ACAN: variants seen among roughly 807,000 people sequenced by gnomAD.
ACAN encodes the protein aggrecan core protein.
In ACAN, 47 loss-of-function variants were observed where a neutral mutation model predicts 169.1. The ratio of observed to expected loss-of-function variants is 0.28; its 90% CI spans 0.22 to 0.35. The LOEUF (loss-of-function observed/expected upper bound fraction) is 0.35. Ranked by LOEUF, ACAN falls within the 10% of genes least tolerant of loss-of-function variation. ACAN has a pLI of 1.00. For missense variants in ACAN, 2,716 were observed against 2,759.9 expected, an observed-to-expected ratio of 0.98 and a Z score of 0.36; for synonymous variants, 1,115 against 1,112.2, an observed-to-expected ratio of 1.00 and a Z score of -0.05.
chr15:88,848,077 C>A, intron 9 of ACAN, 39 bp downstream of exon 9: 4 of 1,603,940 alleles, frequency 2.5e-6, no homozygotes, highest in Non-Finnish European at 3.4e-6. Context: ...CCTAGATGGG[C>A]AGGGGGTGGG....
At chr15:88,830,195 G>A (rs984633395) in intron 1 of ACAN, among the ~76,000 whole-genome samples, 2 of 152,150 alleles carry the variant, frequency 1.3e-5, no homozygotes, top group Non-Finnish European at 2.9e-5. Context: ...TTGGTTTTAG[G>A]GCCAGCCTCA....
At chr15:88,822,881 C>G (rs760864164) in intron 1 of ACAN, among the ~76,000 whole-genome samples, 17 of 152,280 alleles carry the variant, frequency 1.1e-4, no homozygotes, top group Non-Finnish European at 2.4e-4. Context: ...CTCCAAGAAC[C>G]CGAGCATCTG....
At chr15:88,847,827 G>A (rs1488576184) in intron 8 of ACAN, 84 bp from the exon 9 acceptor site, 3 of 1,487,310 alleles carry the variant, frequency 2.0e-6, no homozygotes, top group Non-Finnish European at 2.7e-6. Context: ...AAGTCCCTGA[G>A]TAGCCTCTGG....
rs1488751532 is a variant in ACAN, at chr15:88,858,057, T to C, written c.5472T>C (p.Gly1824=). ...TTTCTGGTACCACGAGTGGCAGCGGTGAATCTTCTGGGATTACATTTGTGG... is the reference window on the plus strand; with the variant it reads ...TTTCTGGTACCACGAGTGGCAGCGGCGAATCTTCTGGGATTACATTTGTGG... ...DLVSGTTSGS[G]ESSGITFVDT... is the part of the protein sequence containing the mutation. The change falls in exon 12 of 19, where the codon GGT becomes GGC. Residue 1824 remains glycine (G), a synonymous_variant. Transcript: ENST00000560601. The surrounding 1 kb of genome is among the most constrained non-coding windows in gnomAD (Gnocchi z 4.0). The C allele has an allele frequency of 1.9e-6, 3 of 1,613,806 alleles. No homozygotes were observed. The highest frequency in any genetic ancestry group is 2.7e-5 in the African/African-American group (2 of 74,902).
At chr15:88,818,303 T>C (rs1470819048) in intron 1 of ACAN, among the ~76,000 whole-genome samples, 1 of 152,244 alleles carries the variant, frequency 6.6e-6, no homozygotes, top group Non-Finnish European at 1.5e-5. Context: ...GAGTGCATTC[T>C]TCCATAAGGG....
intron 1 of ACAN, among the ~76,000 whole-genome samples, chr15:88,816,042 G>T (rs988153298): frequency 6.6e-6 from 1 of 152,128 alleles, no homozygotes; most frequent in Non-Finnish European, 1.5e-5. Flanking sequence ...TTGCAGCTGC[G>T]TCACTCCCAT....
rs115764218 is a variant in ACAN, at chr15:88,870,208, C to A, written c.7061-1174C>A. ...CCACTGTCCCCAACTGTCTCTCCCC[C>A]ACTTTGCCAAGCATCCACCCCTTCA... On this transcript the variant is annotated intron_variant, in intron 14 of 18. Coordinates refer to ENST00000560601, the MANE Select transcript of ACAN (RefSeq NM_001369268.1). This position sits in a 1 kb window ranked among gnomAD's most constrained non-coding sequence, Gnocchi z 6.3. Among the ~76,000 whole-genome samples the A allele has an allele frequency of 1.3e-4, 20 of 152,276 alleles. No homozygotes were observed. The South Asian group carries it at 2.5e-3, about 19-fold the overall frequency.
rs781707379 is a variant in ACAN, at chr15:88,858,592, T to C, written c.6007T>C (p.Tyr2003His). 1.2e-6 allele frequency: 2 copies of C among 1,613,790 alleles called. No homozygotes were observed. The highest frequency in any genetic ancestry group is 1.7e-6 in the Non-Finnish European group (2 of 1,179,896). Residue 2003 changes from tyrosine (Y) to histidine (H), a missense_variant, in exon 12 of 19, where the codon TAT (tyrosine) becomes CAT (histidine). Around this residue, in one of 3 missense-constraint regions of ACAN, gnomAD observed 1,389 missense variants for 1,363.7 expected, o/e 1.02. Transcript: ENST00000560601. The surrounding 1 kb of genome is among the most constrained non-coding windows in gnomAD (Gnocchi z 4.0). ...CAGCGGAGAGCCACCAGGTACTCCA[T>C]ATTTTAGTGGGGATTTTGCCAGCAC... ...EPSGEPPGTP[Y>H]FSGDFASTTN...
chr15:88,838,646 C>A lies in ACAN; in HGVS notation c.71-17C>A, dbSNP rs761022195. 101 of 1,559,824 alleles carry A rather than the reference C, an allele frequency of 6.5e-5. No homozygotes were observed. The highest frequency in any genetic ancestry group is 8.6e-5 in the Non-Finnish European group (99 of 1,149,692). ...GGCACTAACAGGTCTCTCTTCTACC[C>A]CACCTCTCCCACACAGACCATGACA... is the stretch of plus-strand genomic sequence containing the variant. On this transcript the variant is annotated splice_polypyrimidine_tract_variant and intron_variant, in intron 2 of 18. Coordinates refer to ENST00000560601, the MANE Select transcript of ACAN (RefSeq NM_001369268.1). The surrounding 1 kb of genome is among the most constrained non-coding windows in gnomAD (Gnocchi z 5.1).
chr15:88,818,071 T>C (rs1293654830), intron 1 of ACAN, among the ~76,000 whole-genome samples: 2 of 152,178 alleles, frequency 1.3e-5, no homozygotes, highest in East Asian at 3.8e-4. Context: ...ATGAACATGT[T>C]TCCAAGTAAG....
At chr15:88,845,441 T>C in intron 6 of ACAN, 64 bp from the exon 7 acceptor site, 2 of 1,534,944 alleles carry the variant, frequency 1.3e-6, no homozygotes, top group South Asian at 2.6e-5. Context: ...TCCAGCCCAC[T>C]CCTCATCCCC....
intron 4 of ACAN, 143 bp from the exon 5 acceptor site, chr15:88,841,597 G>C (rs527695988): frequency 1.0e-5 from 11 of 1,050,436 alleles, no homozygotes; most frequent in Non-Finnish European, 7.0e-6. Context: ...AAAACAGATA[G>C]GCAGTTGACA....
intron 1 of ACAN, among the ~76,000 whole-genome samples, chr15:88,834,907 G>T (rs149698115): frequency 8.5e-5 from 13 of 152,302 alleles, no homozygotes; most frequent in African/African-American, 2.9e-4. Flanking sequence ...TGGGTCTCCT[G>T]TACATTCTCT....
chr15:88,846,636 A>T (rs1405285267), intron 7 of ACAN, among the ~76,000 whole-genome samples: 2 of 152,240 alleles, frequency 1.3e-5, no homozygotes, highest in Non-Finnish European at 2.9e-5. Flanking sequence ...ACAATACAAC[A>T]ATAAAAGTAA....
chr15:88,819,481 G>A (rs562739517), intron 1 of ACAN, among the ~76,000 whole-genome samples: 18 of 152,140 alleles, frequency 1.2e-4, no homozygotes, highest in African/African-American at 4.3e-4. Context: ...ATCTGGAGTT[G>A]GCTGGATTCA....
chr15:88,818,416 G>A (rs58568845), intron 1 of ACAN, among the ~76,000 whole-genome samples: 610 of 152,282 alleles, frequency 4.0e-3, no homozygotes, highest in African/African-American at 0.011. Context: ...GAGAAATTCC[G>A]CAGGTTCTCC....
Position 88,871,815 on chromosome 15 carries a change from T to C in ACAN, c.7220-188T>C. Among the ~76,000 whole-genome samples, 1 of 152,074 alleles carries C rather than the reference T, an allele frequency of 6.6e-6. No homozygotes were observed. Among genetic ancestry groups the C allele is most frequent in the East Asian group, 1.9e-4 (1 of 5,172 alleles). On this transcript the variant is annotated intron_variant, in intron 15 of 18. Coordinates refer to ENST00000560601, the MANE Select transcript of ACAN (RefSeq NM_001369268.1). This position sits in a 1 kb window ranked among gnomAD's most constrained non-coding sequence, Gnocchi z 7.8. ...ACCCGTCCATGCCAGCTTGGAGAGG[T>C]GGCCCGAAGTGCACTCCAGGCATGC...
rs757196883 is a variant in ACAN at position 88,807,549 on chromosome 15, A to G, written c.-8+3740A>G. ...AGTCTGGGCCCCTGGACGCAGTTGA[A>G]GAAGGGCCACTGGGAGGCCGGCAGA... On this transcript the variant is annotated intron_variant, in intron 1 of 18. Coordinates refer to ENST00000560601, the MANE Select transcript of ACAN (RefSeq NM_001369268.1). This position sits in a 1 kb window ranked among gnomAD's most constrained non-coding sequence, Gnocchi z 4.0. Among the ~76,000 whole-genome samples the G allele has an allele frequency of 7.2e-5, 11 of 152,288 alleles. No individual in the cohort carries two copies. The highest frequency in any genetic ancestry group is 1.9e-4 in the East Asian group (1 of 5,178).
intron 1 of ACAN, among the ~76,000 whole-genome samples, chr15:88,804,375 C>G (rs112704656): frequency 6.6e-6 from 1 of 152,178 alleles, no homozygotes; most frequent in African/African-American, 2.4e-5. Context: ...TTGGCTTACT[C>G]CAGGGACCAG....
Sources: gnomAD v4.1 joint callset for allele counts (sites outside exome capture counted in the v4.1 genomes callset) on GRCh38, gnomAD v4.1.1 for gene constraint, gnomAD v4.1.1 regional missense constraint, Gnocchi (gnomAD v3.1) non-coding constraint, MANE v1.5 for transcripts, NCBI Gene and HGNC (gene_info 2026-07-23, HGNC 2026-07-21) for gene names.